MARCHF10: variants seen among roughly 807,000 people sequenced by gnomAD.
MARCHF10 encodes the protein probable E3 ubiquitin-protein ligase MARCHF10.
MARCHF10 carries 64 observed loss-of-function variants against 76.2 expected under a neutral mutation model. The ratio of observed to expected loss-of-function variants is 0.84; its 90% confidence interval spans 0.69 to 1.03. MARCHF10 has a LOEUF of 1.03. Among genes scored for constraint, MARCHF10 ranks in the 50% least tolerant of loss-of-function variants. The pLI is 0.00. For synonymous variants in MARCHF10, 340 were observed against 357.5 expected (o/e 0.95, Z 0.55); for missense variants, 875 against 958.0 (o/e 0.91, Z 1.14).
intron 3 of MARCHF10, among the ~76,000 whole-genome samples, chr17:62,760,924 G>A (rs2092185347): frequency 6.6e-6 from 1 of 152,226 alleles, no homozygotes; most frequent in Non-Finnish European, 1.5e-5. Context: ...CTGTGAAAAT[G>A]TGGTCTTTTG....
At chr17:62,729,318 T>C (rs1021525172) in intron 6 of MARCHF10, among the ~76,000 whole-genome samples, 2 of 151,794 alleles carry the variant, frequency 1.3e-5, no homozygotes, top group Non-Finnish European at 2.9e-5. Flanking sequence ...CCTTTTCTAA[T>C]GCCATAGCAT....
chr17:62,742,024 C>CT (rs35748252), intron 5 of MARCHF10, among the ~76,000 whole-genome samples: 92,511 of 132,944 alleles, frequency 0.7, 32,549 homozygotes, highest in African/African-American at 0.87. Flanking sequence ...TTCTTTTTTT[C>CT]TTTTTTTTTT....
chr17:62,747,175 G>C (rs2091735162), intron 4 of MARCHF10, among the ~76,000 whole-genome samples: 2 of 152,180 alleles, frequency 1.3e-5, no homozygotes, highest in African/African-American at 2.4e-5. Context: ...TTGTCGTGCA[G>C]GACAAATATT....
chr17:62,729,005 G>GTCCAGGCCGGAGTGCAGTGGCAAGT (rs2090891635), intron 6 of MARCHF10, among the ~76,000 whole-genome samples: 2 of 152,088 alleles, frequency 1.3e-5, no homozygotes, highest in South Asian at 4.2e-4. Context: ...GCAAGATCTT[G>GTCCAGGCCGGAGTGCAGTGGCAAGT]GCTCACTGCA....
intron 3 of MARCHF10, among the ~76,000 whole-genome samples, chr17:62,775,895 C>A (rs1423464986): frequency 1.3e-5 from 2 of 152,076 alleles, no homozygotes; most frequent in Non-Finnish European, 2.9e-5. Context: ...TAGCTCACTG[C>A]AGCCTTGAAC....
At chr17:62,778,011 T>C (rs1597999413) in intron 3 of MARCHF10, among the ~76,000 whole-genome samples, 1 of 152,208 alleles carries the variant, frequency 6.6e-6, no homozygotes, top group East Asian at 1.9e-4. Context: ...GCTCCTATTA[T>C]GTGCTAGGCA....
At chr17:62,799,346 C>A (rs112900421) in intron 2 of MARCHF10, among the ~76,000 whole-genome samples, 1 of 152,298 alleles carries the variant, frequency 6.6e-6, no homozygotes, top group East Asian at 1.9e-4. Flanking sequence ...TCTTCTCTTG[C>A]CCCTTCTAGT....
At chr17:62,760,677 C>T (rs2092176369) in intron 3 of MARCHF10, among the ~76,000 whole-genome samples, 1 of 152,232 alleles carries the variant, frequency 6.6e-6, no homozygotes, top group Admixed American at 6.5e-5. Flanking sequence ...CACACTTACA[C>T]CCACCAAAGA....
intron 4 of MARCHF10, 121 bp from the exon 5 acceptor site, chr17:62,744,649 A>G: frequency 9.7e-7 from 1 of 1,028,960 alleles, no homozygotes; most frequent in Non-Finnish European, 1.4e-6. Flanking sequence ...GGCAGTCAAG[A>G]GAAGGGACCC....
At chr17:62,797,898 G>GT (rs1451446219) in intron 2 of MARCHF10, among the ~76,000 whole-genome samples, 4 of 134,578 alleles carry the variant, frequency 3.0e-5, no homozygotes, top group African/African-American at 1.1e-4. Flanking sequence ...GCACAAGTGC[G>GT]TGAGTTCTTA....
At chr17:62,720,204 G>A (rs1049959120) in intron 8 of MARCHF10, among the ~76,000 whole-genome samples, 5 of 152,188 alleles carry the variant, frequency 3.3e-5, no homozygotes, top group African/African-American at 7.2e-5. Flanking sequence ...TTCAAACTGT[G>A]CTTTTCACCT....
chr17:62,774,629 G>A (rs1012035143), intron 3 of MARCHF10, among the ~76,000 whole-genome samples: 1 of 152,118 alleles, frequency 6.6e-6, no homozygotes, highest in African/African-American at 2.4e-5. Context: ...ACTGCTCACC[G>A]TTTCCCAGAC....
chr17:62,727,637 T>C (rs2090826915), intron 6 of MARCHF10, among the ~76,000 whole-genome samples: 1 of 152,232 alleles, frequency 6.6e-6, no homozygotes, highest in South Asian at 2.1e-4. Context: ...ATCAGTCTCC[T>C]TTCCCACACA....
In MARCHF10 at chr17:62,740,191, C is replaced by G. The variant is rs117482164; in HGVS notation, c.536-2859G>C. ...TCAAATAGAGAGCAGATTTCAGGAG[C>G]TCTAGGGCTGGGAATAGACAGGCAC... On this transcript the variant is annotated intron_variant, in intron 5 of 10. Coordinates refer to ENST00000311269, the MANE Select transcript of MARCHF10 (RefSeq NM_152598.4). 1.5e-4 allele frequency among the ~76,000 whole-genome samples: 23 copies of G among 152,112 alleles called. No homozygotes were observed. The East Asian group carries it at 4.4e-3, about 29-fold the overall frequency.
At chr17:62,793,185 C>T (rs578105542) in intron 2 of MARCHF10, among the ~76,000 whole-genome samples, 81 of 139,042 alleles carry the variant, frequency 5.8e-4, no homozygotes, top group Non-Finnish European at 1.1e-3. Context: ...TCACTACCAC[C>T]ACCACCTCCA....
At chr17:62,801,093 TATTTC>T (rs59707791) in intron 2 of MARCHF10, among the ~76,000 whole-genome samples, 97,875 of 151,406 alleles carry the variant, frequency 0.65, 31,712 homozygotes, top group East Asian at 0.74. Flanking sequence ...TTACAGTGTT[TATTTC>T]ATTTCATTTT....
chr17:62,790,177 GT>G (rs1010681256), intron 2 of MARCHF10, among the ~76,000 whole-genome samples: 103 of 150,196 alleles, frequency 6.9e-4, no homozygotes, highest in African/African-American at 1.2e-3. Flanking sequence ...AATAGTAAAA[GT>G]TTTTTTTTTC....
Position 62,701,657 on chromosome 17 carries a change from G to A in MARCHF10, c.*46C>T. The A allele has an allele frequency of 1.2e-6, 2 of 1,613,500 alleles. No homozygotes were observed. Among genetic ancestry groups the A allele is most frequent in the South Asian group, 1.1e-5 (1 of 91,070 alleles). ...AGGCACTTGGGGACGTAGAAAGAAG[G>A]GCTGGCGGGAGAGGTCTCCGCCGAG... On this transcript the variant is annotated 3_prime_UTR_variant, in exon 11 of 11. Transcript: ENST00000311269.
chr17:62,724,911 G>A (rs562557633), intron 7 of MARCHF10, 27 bp downstream of exon 7: 21 of 1,607,778 alleles, frequency 1.3e-5, no homozygotes, highest in Middle Eastern at 1.7e-4. Context: ...GTCGTGGCAC[G>A]TTCACTGCAC....
Sources: gnomAD v4.1 joint callset for allele counts (sites outside exome capture counted in the v4.1 genomes callset) on GRCh38, gnomAD v4.1.1 for gene constraint, MANE v1.5 for transcripts, NCBI Gene and HGNC (gene_info 2026-07-23, HGNC 2026-07-21) for gene names.